Variants in ZNF85 observed in about 807,000 individuals in gnomAD.
The protein encoded by ZNF85 is zinc finger protein 85.
In ZNF85, 50 loss-of-function variants were observed where a neutral mutation model predicts 53.9. The observed-to-expected ratio is 0.93, with a 90% confidence interval of 0.74 to 1.17. The LOEUF is 1.17. Among genes scored for constraint, ZNF85 ranks in the 50% most tolerant of loss-of-function variants. The probability of loss-of-function intolerance (pLI) is 0.00; values close to 1 mark genes in which losing one functional copy is unlikely to be tolerated. For synonymous variants in ZNF85, 225 were observed against 226.1 expected, an observed-to-expected ratio of 1.00 and a Z score of 0.04; for missense variants, 747 against 688.5, an observed-to-expected ratio of 1.08 and a Z score of -0.95.
Position 20,934,934 on chromosome 19 carries a change from T to C in ZNF85, c.131-15T>C, listed in dbSNP as rs763102515. ...ATATGAGCAAGATTTATATTATTTA[T>C]TTTTAATAAAACAGGTATTACTGTT... On this transcript the variant is annotated splice_polypyrimidine_tract_variant and intron_variant, in intron 2 of 3. Transcript: ENST00000328178. 2 of 1,575,344 alleles carry C rather than the reference T, an allele frequency of 1.3e-6. No homozygotes were observed. The highest frequency in any genetic ancestry group is 1.7e-4 in the Middle Eastern group (1 of 5,820).
Position 20,950,528 on chromosome 19 carries a change from A to T in ZNF85, c.*226A>T. On this transcript the variant is annotated 3_prime_UTR_variant, in exon 4 of 4. Coordinates refer to ENST00000328178, the MANE Select transcript of ZNF85 (RefSeq NM_003429.5). Reference sequence around the variant, plus strand: ...GATAATTCATATTGGAACAAACTACAAGTGCAAACAATGTGGCAAAACTTA... The same window carrying T: ...GATAATTCATATTGGAACAAACTACTAGTGCAAACAATGTGGCAAAACTTA... The T allele has an allele frequency of 2.5e-6, 1 of 398,692 alleles. No individual in the cohort carries two copies. The highest frequency in any genetic ancestry group is 4.4e-6 in the Non-Finnish European group (1 of 227,222). 24.7% of individuals were successfully genotyped at this position (398,692 alleles called of 1,614,324 possible).
chr19:20,946,435 T>TTCTG (rs200728598), intron 3 of ZNF85: 1 of 341,868 alleles, frequency 2.9e-6, no homozygotes, highest in Non-Finnish European at 5.6e-6. Context: ...CCTTCTAATA[T>TTCTG]TCTTTTTTTT....
At chr19:20,939,850 A>G (rs1178840772) in intron 3 of ZNF85, among the ~76,000 whole-genome samples, 1 of 152,048 alleles carries the variant, frequency 6.6e-6, no homozygotes, top group Non-Finnish European at 1.5e-5. Context: ...GGCATGCACC[A>G]CCACACCCAG....
chr19:20,948,621 C>T, intron 3 of ZNF85, 123 bp from the exon 4 acceptor site: 1 of 671,756 alleles, frequency 1.5e-6, no homozygotes, highest in Admixed American at 3.1e-5. Flanking sequence ...GGATTTAGGG[C>T]CTATGGTATT....
rs566218193 is a variant in ZNF85 at position 20,941,642 on chromosome 19, A to G, written c.229+6595A>G. Among the ~76,000 whole-genome samples the G allele has an allele frequency of 9.6e-4, 147 of 152,366 alleles. 1 individual carries two copies. The highest frequency in any genetic ancestry group is 3.4e-3 in the African/African-American group (143 of 41,586). On this transcript the variant is annotated intron_variant, in intron 3 of 3. Coordinates refer to ENST00000328178, the MANE Select transcript of ZNF85 (RefSeq NM_003429.5). ...AGTTCAATTATTTGTTCATTTCTAA[A>G]TAAAATTATTCAACTTTATTGTTAA...
chr19:20,943,044 G>A, intron 3 of ZNF85: 2 of 474,396 alleles, frequency 4.2e-6, no homozygotes, highest in Non-Finnish European at 7.4e-6. Context: ...CCAAAGTGTT[G>A]GGATTATAGG....
chr19:20,934,954 A>G lies in ZNF85; in HGVS notation c.136A>G (p.Thr46Ala), dbSNP rs76056862. The change falls in exon 3 of 4, where the codon ACT becomes GCT. Residue 46 changes from threonine to alanine, a missense_variant. Thr to Ala is a moderately conservative substitution (Grantham distance 58). Transcript: ENST00000328178. ...ATTTATTTTTAATAAAACAGGTATT[A>G]CTGTTTCTAAGCCAGACCTGATCAC... ...NYRNLVFLGI[T>A]VSKPDLITCL... The G allele has an allele frequency of 4.4e-3, 6,996 of 1,601,924 alleles. 116 individuals are homozygous for G. The highest frequency in any genetic ancestry group is 0.034 in the African/African-American group (2,532 of 74,640).
At chr19:20,947,031 T>C (rs1365892034) in intron 3 of ZNF85, among the ~76,000 whole-genome samples, 1 of 151,964 alleles carries the variant, frequency 6.6e-6, no homozygotes, top group Non-Finnish European at 1.5e-5. Flanking sequence ...TCTCTTTCTT[T>C]GTGTCATTTT....
intron 1 of ZNF85, among the ~76,000 whole-genome samples, chr19:20,929,007 T>C (rs1972945028): frequency 6.6e-6 from 1 of 152,130 alleles, no homozygotes; most frequent in South Asian, 2.1e-4. Context: ...AACCAATATT[T>C]ATTCAAATTC....
intron 3 of ZNF85, among the ~76,000 whole-genome samples, chr19:20,941,076 C>T (rs12162257): frequency 0.1 from 15,559 of 152,148 alleles, 886 homozygotes; most frequent in Non-Finnish European, 0.13. Flanking sequence ...ACATTTATAA[C>T]ATTTTAAAAT....
rs200456364 is a variant in ZNF85, at chr19:20,949,377, G to A, written c.863G>A (p.Cys288Tyr). The change falls in exon 4 of 4, where the codon TGT (cysteine) becomes TAT (tyrosine). Residue 288 changes from cysteine to tyrosine, a missense_variant. Coordinates refer to ENST00000328178, the MANE Select transcript of ZNF85 (RefSeq NM_003429.5). Reference protein sequence around the residue: ...IIHTGEKPYKCKECGKAFNRS... With the variant: ...IIHTGEKPYKYKECGKAFNRS... ...CATACTGGAGAGAAACCCTACAAAT[G>A]TAAAGAATGTGGTAAAGCTTTTAAC... The A allele has an allele frequency of 1.1e-5, 18 of 1,609,440 alleles. No individual in the cohort carries two copies. Among genetic ancestry groups the A allele is most frequent in the East Asian group, 6.7e-5 (3 of 44,782 alleles).
In ZNF85 at chr19:20,943,060, G is replaced by A. The variant is rs552805999; in HGVS notation, c.230-5684G>A. 10 of 442,044 alleles carry A rather than the reference G, an allele frequency of 2.3e-5. 1 individual carries two copies. The South Asian group carries it at 6.0e-4, about 27-fold the overall frequency. 27.4% of individuals were successfully genotyped at this position (442,044 alleles called of 1,614,324 possible). On this transcript the variant is annotated intron_variant, in intron 3 of 3. Transcript: ENST00000328178. ...CAAAGTGTTGGGATTATAGGTATGA[G>A]CCTGTTCACCCAGCCAGTATTCTTA...
intron 3 of ZNF85, among the ~76,000 whole-genome samples, chr19:20,946,570 G>GCGCACACACACACA (rs1555794714): frequency 1.4e-5 from 2 of 145,086 alleles, no homozygotes; most frequent in Admixed American, 6.9e-5. Context: ...ATATACACAT[G>GCGCACACACACACA]CACACACACA....
intron 1 of ZNF85, chr19:20,927,500 A>AT (rs34071413): frequency 2.6e-5 from 4 of 151,948 alleles, no homozygotes; most frequent in African/African-American, 4.8e-5. Flanking sequence ...AATTCAGCTC[A>AT]TTTTTTTAAT....
At position 20,934,010 on chromosome 19, in the gene ZNF85, T is replaced by C; in HGVS notation, c.4-14T>C. On this transcript the variant is annotated splice_polypyrimidine_tract_variant and intron_variant, in intron 1 of 3. Transcript: ENST00000328178. ...GTGTGTGTGTGTGTATGTGTATGTGTGTGTATCTTTCAGGGACCATTGACA... is the reference window on the plus strand; with the variant it reads ...GTGTGTGTGTGTGTATGTGTATGTGCGTGTATCTTTCAGGGACCATTGACA... 1 of 1,604,004 alleles carries C rather than the reference T, an allele frequency of 6.2e-7. No individual in the cohort carries two copies. The highest frequency in any genetic ancestry group is 8.5e-7 in the Non-Finnish European group (1 of 1,173,814).
chr19:20,926,255 A>G (rs893066296), intron 1 of ZNF85, among the ~76,000 whole-genome samples: 3 of 152,198 alleles, frequency 2.0e-5, no homozygotes, highest in Non-Finnish European at 4.4e-5. Flanking sequence ...TCTGTCCCAT[A>G]TCCTGTTATC....
intron 1 of ZNF85, among the ~76,000 whole-genome samples, chr19:20,931,620 CTTT>C (rs1156835317): frequency 0.01 from 1,234 of 119,410 alleles, 11 homozygotes; most frequent in African/African-American, 0.04. Context: ...TTTTCTTTTT[CTTT>C]TTTTTTTTTT....
intron 3 of ZNF85, chr19:20,937,102 G>A (rs371031965): frequency 1.4e-4 from 36 of 256,506 alleles, no homozygotes; most frequent in East Asian, 4.6e-4. Flanking sequence ...GCACGATCTC[G>A]GCTCACTGCA....
chr19:20,949,845 A>AT lies in ZNF85; in HGVS notation c.1332dup (p.Lys445Ter). On this transcript the variant is annotated frameshift_variant, in exon 4 of 4. Transcript: ENST00000328178. LOFTEE classifies it high-confidence loss of function. ...AACCAATCCTCAAAACTTACTGAAC[A>AT]TAAGAAAATTCATACTGGAGAGAAA... 6.2e-7 allele frequency: 1 copy of AT among 1,612,668 alleles called. No individual in the cohort carries two copies. The highest frequency in any genetic ancestry group is 8.5e-7 in the Non-Finnish European group (1 of 1,179,266).
Sources: gnomAD v4.1 joint callset for allele counts (sites outside exome capture counted in the v4.1 genomes callset) on GRCh38, gnomAD v4.1.1 for gene constraint, MANE v1.5 for transcripts, NCBI Gene and HGNC (gene_info 2026-07-23, HGNC 2026-07-21) for gene names.